Variants in DYNC1H1 observed in about 807,000 individuals in gnomAD.
DYNC1H1 encodes the protein cytoplasmic dynein 1 heavy chain 1.
DYNC1H1 carries 51 observed loss-of-function variants against 527.1 expected under a neutral mutation model. The ratio of observed to expected loss-of-function variants is 0.10; its 90% CI spans 0.08 to 0.12. The LOEUF (loss-of-function observed/expected upper bound fraction) is 0.12. DYNC1H1 is among the 10% of genes least tolerant of loss of function. The pLI, the probability that DYNC1H1 is intolerant of heterozygous loss-of-function variation, is 1.00. For missense variants in DYNC1H1, 2,771 were observed against 5,971.8 expected (o/e 0.46, Z 17.66); for synonymous variants, 2,189 against 2,278.8 (o/e 0.96, Z 1.12).
At chr14:102,025,566 A>G (rs1370682560) in intron 43 of DYNC1H1, among the ~76,000 whole-genome samples, 396 of 20,648 alleles carry the variant, frequency 0.019, 2 homozygotes, top group African/African-American at 0.056. Context: ...TGTCTCAAGG[A>G]AAAAAAAAAA....
chr14:102,048,316 C>CAGGG (rs1020774226), intron 73 of DYNC1H1, 200 bp from the exon 74 acceptor site: 23 of 777,698 alleles, frequency 3.0e-5, no homozygotes, highest in Non-Finnish European at 4.3e-5. Flanking sequence ...GCGACTCGGG[C>CAGGG]AGGGGCCTCA....
chr14:101,968,677 T>G (rs1315016319), intron 1 of DYNC1H1, among the ~76,000 whole-genome samples: 3 of 151,956 alleles, frequency 2.0e-5, no homozygotes, highest in Non-Finnish European at 4.4e-5. Flanking sequence ...TCCACCCATC[T>G]CAGCCTCCTG....
At position 102,036,015 on chromosome 14, in the gene DYNC1H1, T is replaced by C. The variant is rs17512748; in HGVS notation, c.10755-474T>C. 8.3e-3 allele frequency: 1,549 copies of C among 185,936 alleles called. 12 individuals are homozygous for C. Among genetic ancestry groups the C allele is most frequent in the Non-Finnish European group, 0.013 (1,099 of 87,514 alleles). The allele number at this position is 185,936 out of a possible 1,614,324, so 11.5% of individuals were successfully genotyped here. On this transcript the variant is annotated intron_variant, in intron 56 of 77. Coordinates refer to ENST00000360184, the MANE Select transcript of DYNC1H1 (RefSeq NM_001376.5). The surrounding 1 kb of genome is among the most constrained non-coding windows in gnomAD (Gnocchi z 5.6). ...GTCCTTTCCTCATTTGTAGAATGGTTCGATAACAGTGTCAGCCTCATAGGG... is the reference window on the plus strand; with the variant it reads ...GTCCTTTCCTCATTTGTAGAATGGTCCGATAACAGTGTCAGCCTCATAGGG...
intron 16 of DYNC1H1, among the ~76,000 whole-genome samples, chr14:101,998,614 C>A (rs2048092167): frequency 6.6e-6 from 1 of 152,154 alleles, no homozygotes; most frequent in Non-Finnish European, 1.5e-5. Context: ...ACAGATTTAG[C>A]CTTCCACAAA....
chr14:102,033,627 G>T lies in DYNC1H1; in HGVS notation c.10413+143G>T. ...AAGGCCCCGGAGGACTTTTTTCCTG[G>T]AAAATAATACACACTGAGTAGTCAC... is the stretch of plus-strand genomic sequence containing the variant. On this transcript the variant is annotated intron_variant, in intron 54 of 77. Transcript: ENST00000360184. The surrounding 1 kb of genome is among the most constrained non-coding windows in gnomAD (Gnocchi z 5.6). The T allele has an allele frequency of 9.7e-7, 1 of 1,030,646 alleles. No homozygotes were observed. The highest frequency in any genetic ancestry group is 1.5e-6 in the Non-Finnish European group (1 of 688,010). The allele number at this position is 1,030,646 out of a possible 1,614,324, so 63.8% of individuals were successfully genotyped here. A position where few individuals can be genotyped will look rare whatever the true frequency, so the allele number is the denominator to read the frequency against.
In DYNC1H1 at chr14:102,039,596, G is replaced by T. The variant is rs1281067843; in HGVS notation, c.11596-42G>T. 1.2e-6 allele frequency: 2 copies of T among 1,614,200 alleles called. No homozygotes were observed. Among genetic ancestry groups the T allele is most frequent in the Non-Finnish European group, 1.7e-6 (2 of 1,180,034 alleles). On this transcript the variant is annotated intron_variant, in intron 61 of 77. Transcript: ENST00000360184. The surrounding 1 kb of genome is among the most constrained non-coding windows in gnomAD (Gnocchi z 7.0). ...CCTGGCGGGGGGGAAGCAGGGTGCT[G>T]CTTCTCTTATGGAACAACATCGTCT...
At chr14:101,990,812 C>T (rs1048313614) in intron 10 of DYNC1H1, among the ~76,000 whole-genome samples, 4 of 151,992 alleles carry the variant, frequency 2.6e-5, no homozygotes, top group African/African-American at 9.7e-5. Context: ...AGATAGAGAC[C>T]ATCCTGTCCA....
At chr14:102,009,768 T>G (rs1357056125) in intron 29 of DYNC1H1, 75 bp from the exon 30 acceptor site, 6 of 1,609,520 alleles carry the variant, frequency 3.7e-6, no homozygotes, top group Non-Finnish European at 5.1e-6. Context: ...GTCTGTTGTT[T>G]TAGAGACATT....
chr14:102,027,583 G>C lies in DYNC1H1; in HGVS notation c.9049-36G>C. 1.2e-6 allele frequency: 2 copies of C among 1,614,082 alleles called. No homozygotes were observed. Among genetic ancestry groups the C allele is most frequent in the South Asian group, 1.1e-5 (1 of 91,074 alleles). On this transcript the variant is annotated intron_variant, in intron 46 of 77. Transcript: ENST00000360184. The surrounding 1 kb of genome is among the most constrained non-coding windows in gnomAD (Gnocchi z 7.7). ...GTGTTGCGTTGCATTACGTGTTACC[G>C]GGGGACCAGTAAGTCAGCACTGTGC...
At chr14:101,966,723 C>A (rs561780593) in intron 1 of DYNC1H1, among the ~76,000 whole-genome samples, 29 of 152,010 alleles carry the variant, frequency 1.9e-4, no homozygotes, top group African/African-American at 7.0e-4. Context: ...TTGTGTCACT[C>A]TTTTTATGAA....
intron 7 of DYNC1H1, among the ~76,000 whole-genome samples, chr14:101,984,932 CAAAAAAA>C (rs773102943): frequency 5.5e-3 from 219 of 40,158 alleles, no homozygotes; most frequent in South Asian, 5.5e-3. Flanking sequence ...GGCTCCGTCT[CAAAAAAA>C]AAAAAAAAAA....
Position 101,994,329 on chromosome 14 carries a change from G to A in DYNC1H1, c.3156+5G>A, listed in dbSNP as rs200905961. ...GAAGTTGAACAGTATGTCAAGGTAA[G>A]AAACTCCTAATTTCATTCAAATGTG... On this transcript the variant is annotated splice_donor_5th_base_variant and intron_variant, in intron 12 of 77. Coordinates refer to ENST00000360184, the MANE Select transcript of DYNC1H1 (RefSeq NM_001376.5). The A allele has an allele frequency of 2.2e-4, 357 of 1,614,026 alleles. No individual in the cohort carries two copies. Among genetic ancestry groups the A allele is most frequent in the Admixed American group, 3.3e-4 (20 of 60,000 alleles).
intron 34 of DYNC1H1, 130 bp from the exon 35 acceptor site, chr14:102,014,975 C>G: frequency 2.8e-6 from 3 of 1,053,498 alleles, no homozygotes; most frequent in East Asian, 5.2e-5. Flanking sequence ...GCCACCATGC[C>G]TGGCTACTTT....
chr14:102,046,759 G>A (rs953261558), intron 72 of DYNC1H1, among the ~76,000 whole-genome samples: 2 of 151,820 alleles, frequency 1.3e-5, no homozygotes, highest in African/African-American at 4.8e-5. Flanking sequence ...GGGTCCTGAA[G>A]AGCCTTCCTT....
chr14:102,035,936 T>A (rs2048569880), intron 56 of DYNC1H1: 1 of 155,920 alleles, frequency 6.4e-6, no homozygotes, highest in African/African-American at 2.4e-5. Flanking sequence ...AGTTGGGTTT[T>A]TTTTTAACGT....
intron 34 of DYNC1H1, among the ~76,000 whole-genome samples, chr14:102,013,824 C>T (rs768047352): frequency 3.9e-5 from 6 of 152,196 alleles, no homozygotes; most frequent in Non-Finnish European, 7.4e-5. Flanking sequence ...AGGGACGGGG[C>T]GAGCTGGCAG....
intron 52 of DYNC1H1, chr14:102,032,811 C>T (rs962751411): frequency 2.4e-5 from 14 of 572,646 alleles, no homozygotes; most frequent in Non-Finnish European, 4.0e-5. Context: ...CGAGATCACA[C>T]CACCGCACTC....
chr14:101,989,334 T>C (rs1245353307), intron 10 of DYNC1H1, among the ~76,000 whole-genome samples: 1 of 152,236 alleles, frequency 6.6e-6, no homozygotes, highest in African/African-American at 2.4e-5. Flanking sequence ...TCCACTGTTT[T>C]AACAAAGGTC....
rs958079883 is a variant in DYNC1H1 at position 102,046,137 on chromosome 14, C to T, written c.13006+1439C>T. Among the ~76,000 whole-genome samples the T allele has an allele frequency of 2.6e-5, 4 of 151,174 alleles. No homozygotes were observed. The South Asian group carries it at 6.2e-4, about 24-fold the overall frequency. On this transcript the variant is annotated intron_variant, in intron 72 of 77. Transcript: ENST00000360184. ...GAGCCGAGATGGCACCACTGCACTC[C>T]AGCCTGGGCGACAGAGCAAGACTTT...
Sources: allele counts gnomAD v4.1 joint callset (sites outside exome capture counted in the v4.1 genomes callset), GRCh38; gene constraint gnomAD v4.1.1; non-coding constraint Gnocchi (gnomAD v3.1); transcripts MANE v1.5; gene names NCBI Gene and HGNC (gene_info 2026-07-23, HGNC 2026-07-21).